Variants in PIK3C2G observed in about 807,000 individuals in gnomAD.
PIK3C2G encodes phosphatidylinositol-4-phosphate 3-kinase catalytic subunit type 2 gamma, also known as phosphatidylinositol 3-kinase C2 domain-containing subunit gamma.
Under a neutral mutation model 181.1 loss-of-function variants are expected in PIK3C2G, and 168 were observed. That is an observed-to-expected ratio of 0.93 (90% CI 0.82 to 1.05). PIK3C2G has a LOEUF of 1.05. PIK3C2G is among the 50% of genes least tolerant of loss of function. The pLI, the probability that PIK3C2G is intolerant of heterozygous loss-of-function variation, is 0.00. For synonymous variants in PIK3C2G, 573 were observed against 592.2 expected (o/e 0.97, Z 0.47); for missense variants, 1,869 against 1,732.8 (o/e 1.08, Z -1.40).
the PIK3C2G span, among the ~76,000 whole-genome samples, chr12:18,709,356 T>C: frequency 6.6e-6 from 1 of 152,146 alleles, no homozygotes; most frequent in Non-Finnish European, 1.5e-5. Context: ...AGGCTCTCTA[T>C]TCTGTTCCAC....
chr12:18,635,953 G>A (rs1949583962), intron 31 of PIK3C2G, among the ~76,000 whole-genome samples: 1 of 152,162 alleles, frequency 6.6e-6, no homozygotes, highest in African/African-American at 2.4e-5. Flanking sequence ...ATATCAACAT[G>A]CTCCACACCA....
Position 18,346,626 on chromosome 12 carries a change from T to G in PIK3C2G, c.1430-15T>G. ...GCCCTTCTTAGTGACTTGATCTCTA[T>G]CTCTTCCTTTCTAGGCTTGATAGAG... On this transcript the variant is annotated splice_polypyrimidine_tract_variant and intron_variant, in intron 10 of 32. Transcript: ENST00000538779. 3 of 1,554,034 alleles carry G rather than the reference T, an allele frequency of 1.9e-6. No homozygotes were observed. The highest frequency in any genetic ancestry group is 1.7e-4 in the Middle Eastern group (1 of 5,848).
At chr12:18,635,419 G>C (rs1311093167) in intron 31 of PIK3C2G, among the ~76,000 whole-genome samples, 8 of 152,198 alleles carry the variant, frequency 5.3e-5, no homozygotes, top group Admixed American at 5.2e-4. Flanking sequence ...TGCACACCCA[G>C]CTTTATGGCT....
rs898763274 is a variant in PIK3C2G, at chr12:18,270,202, G to A, written c.-79+8625G>A. ...TGGGATTACAGGCGTGAGCCACTGCGCACAGCCCGACAAGTTTTTCTTATA... is the reference window on the plus strand; with the variant it reads ...TGGGATTACAGGCGTGAGCCACTGCACACAGCCCGACAAGTTTTTCTTATA... On this transcript the variant is annotated intron_variant, in intron 1 of 32. Coordinates refer to ENST00000538779, the MANE Select transcript of PIK3C2G (RefSeq NM_001288772.2). 9.2e-5 allele frequency among the ~76,000 whole-genome samples: 14 copies of A among 152,156 alleles called. No homozygotes were observed. In the East Asian group the frequency reaches 2.7e-3, roughly 29 times the overall value.
chr12:18,566,953 C>A lies in PIK3C2G; in HGVS notation c.3907C>A (p.Pro1303Thr), dbSNP rs146312199. 15 of 1,560,730 alleles carry A rather than the reference C, an allele frequency of 9.6e-6. No individual in the cohort carries two copies. In the East Asian group the frequency reaches 3.4e-4, roughly 35 times the overall value. The change falls in exon 29 of 33, where the codon CCT (proline) becomes ACT (threonine). Residue 1303 changes from proline (P) to threonine (T), a missense_variant. Pro to Thr is a conservative substitution (Grantham distance 38). Transcript: ENST00000538779. ...QFASLTLPEF[P>T]HWWHLPFTNS... Reference sequence around the variant, plus strand: ...CTTTTTTTTCTCTTAAAACAGGTTTCCTCATTGGTGGCACCTACCTTTTAC... The same window carrying A: ...CTTTTTTTTCTCTTAAAACAGGTTTACTCATTGGTGGCACCTACCTTTTAC...
intron 31 of PIK3C2G, among the ~76,000 whole-genome samples, chr12:18,639,730 G>A (rs1437597599): frequency 6.6e-6 from 1 of 152,118 alleles, no homozygotes; most frequent in Non-Finnish European, 1.5e-5. Flanking sequence ...AAGGGGAGCT[G>A]AGGAGGAGAG....
intron 24 of PIK3C2G, among the ~76,000 whole-genome samples, chr12:18,530,291 C>T (rs1943479627): frequency 6.6e-6 from 1 of 152,144 alleles, no homozygotes. Context: ...TCAGTCCTTC[C>T]ATCTGTGCTT....
chr12:18,473,523 T>C (rs1319548125), intron 18 of PIK3C2G, among the ~76,000 whole-genome samples: 1 of 152,102 alleles, frequency 6.6e-6, no homozygotes, highest in Non-Finnish European at 1.5e-5. Flanking sequence ...TCAGTTCAGA[T>C]CAAATATTGA....
chr12:18,536,398 A>G lies in PIK3C2G; in HGVS notation c.3324-1758A>G, dbSNP rs374009972. Among the ~76,000 whole-genome samples, 28 of 152,236 alleles carry G rather than the reference A, an allele frequency of 1.8e-4. No individual in the cohort carries two copies. In the South Asian group the frequency reaches 5.2e-3, roughly 28 times the overall value. On this transcript the variant is annotated intron_variant, in intron 24 of 32. Transcript: ENST00000538779. ...ATTCTCTCAACCATACCAAGAGTCAAGTGCTCTTATCTCCATTTTACAAAG... is the reference window on the plus strand; with the variant it reads ...ATTCTCTCAACCATACCAAGAGTCAGGTGCTCTTATCTCCATTTTACAAAG...
chr12:18,309,370 T>C (rs1950549302), intron 5 of PIK3C2G, among the ~76,000 whole-genome samples: 1 of 151,810 alleles, frequency 6.6e-6, no homozygotes, highest in Non-Finnish European at 1.5e-5. Flanking sequence ...CTATAAGTAT[T>C]GGTTAGCCAG....
chr12:18,281,330 CAG>C (rs1298925584), intron 1 of PIK3C2G, among the ~76,000 whole-genome samples: 2 of 146,764 alleles, frequency 1.4e-5, no homozygotes, highest in African/African-American at 2.5e-5. Flanking sequence ...ACAGAAATTC[CAG>C]TGTCACGGAA....
intron 28 of PIK3C2G, among the ~76,000 whole-genome samples, chr12:18,563,971 T>G (rs1470687883): frequency 6.7e-6 from 1 of 150,218 alleles, no homozygotes; most frequent in East Asian, 1.9e-4. Flanking sequence ...GCTTATTATA[T>G]ATTTAATTTC....
chr12:18,397,255 T>C (rs1423968665), intron 15 of PIK3C2G, among the ~76,000 whole-genome samples: 1 of 151,988 alleles, frequency 6.6e-6, no homozygotes, highest in Admixed American at 6.6e-5. Flanking sequence ...ATAGGCAATG[T>C]TTTCTTAAAC....
intron 18 of PIK3C2G, among the ~76,000 whole-genome samples, chr12:18,466,935 A>G (rs1321011141): frequency 6.6e-6 from 1 of 152,104 alleles, no homozygotes; most frequent in Non-Finnish European, 1.5e-5. Flanking sequence ...CTAATTTAGT[A>G]GAACTAATAT....
intron 1 of PIK3C2G, among the ~76,000 whole-genome samples, chr12:18,271,430 C>T (rs978466324): frequency 6.6e-6 from 1 of 152,042 alleles, no homozygotes; most frequent in African/African-American, 2.4e-5. Context: ...AGGCCCATGG[C>T]AAACAAAATA....
At chr12:18,570,354 G>A (rs373614638) in intron 29 of PIK3C2G, among the ~76,000 whole-genome samples, 15 of 141,472 alleles carry the variant, frequency 1.1e-4, no homozygotes, top group East Asian at 9.8e-4. Context: ...GATTACAGGC[G>A]CCCACCACCA....
At chr12:18,519,855 C>T (rs138507270) in intron 24 of PIK3C2G, among the ~76,000 whole-genome samples, 19 of 151,772 alleles carry the variant, frequency 1.3e-4, no homozygotes, top group African/African-American at 2.7e-4. Flanking sequence ...TGTCTGGTAC[C>T]GGTTTTTCCT....
intron 8 of PIK3C2G, among the ~76,000 whole-genome samples, chr12:18,337,551 G>A (rs930353821): frequency 6.6e-6 from 1 of 152,134 alleles, no homozygotes; most frequent in Non-Finnish European, 1.5e-5. Flanking sequence ...CTTCTGGTGA[G>A]GGCCTCAAGA....
rs138880925 is a variant in PIK3C2G at position 18,490,962 on chromosome 12, G to C, written c.2686-489G>C. On this transcript the variant is annotated intron_variant, in intron 19 of 32. Transcript: ENST00000538779. Reference sequence around the variant, plus strand: ...TTCCTACATATTATCATTTCTGACAGCATTATGCAATTGGATTTTTGTCAT... The same window carrying C: ...TTCCTACATATTATCATTTCTGACACCATTATGCAATTGGATTTTTGTCAT... 2.6e-5 allele frequency among the ~76,000 whole-genome samples: 4 copies of C among 152,224 alleles called. No homozygotes were observed. In the East Asian group the frequency reaches 7.7e-4, roughly 29 times the overall value.
Sources: allele counts gnomAD v4.1 joint callset (sites outside exome capture counted in the v4.1 genomes callset), GRCh38; gene constraint gnomAD v4.1.1; transcripts MANE v1.5; gene names NCBI Gene and HGNC (gene_info 2026-07-23, HGNC 2026-07-21).